Variants in ASIC2 observed in about 807,000 individuals in gnomAD.
ASIC2 encodes the protein acid-sensing ion channel 2.
ASIC2 carries 25 observed loss-of-function variants against 57.3 expected under a neutral mutation model. The ratio of observed to expected loss-of-function variants is 0.44; its 90% CI spans 0.32 to 0.61. The LOEUF (loss-of-function observed/expected upper bound fraction) is 0.61, where lower values mean the gene tolerates loss of function less well. ASIC2 is among the 20% of genes least tolerant of loss of function. The pLI is 0.06. For synonymous variants in ASIC2, 319 were observed against 307.5 expected (o/e 1.04, Z -0.39); for missense variants, 641 against 738.1 (o/e 0.87, Z 1.52).
chr17:33,777,061 A>G (rs59235786), intron 1 of ASIC2, among the ~76,000 whole-genome samples: 11,775 of 151,964 alleles, frequency 0.077, 511 homozygotes, highest in East Asian at 0.22. Flanking sequence ...CAGCCCATGT[A>G]AGCTGGCACC....
chr17:34,133,313 G>C (rs1435118503), intron 1 of ASIC2, among the ~76,000 whole-genome samples: 1 of 151,944 alleles, frequency 6.6e-6, no homozygotes, highest in Non-Finnish European at 1.5e-5. Context: ...AGTGTCCCTG[G>C]GTGGGTGGGG....
intron 1 of ASIC2, among the ~76,000 whole-genome samples, chr17:33,662,367 T>C (rs1907296089): frequency 6.6e-6 from 1 of 152,092 alleles, no homozygotes; most frequent in South Asian, 2.1e-4. Flanking sequence ...ACGCTTGTAA[T>C]TTCAGCACTT....
At chr17:34,085,895 C>G (rs1910095877) in intron 1 of ASIC2, among the ~76,000 whole-genome samples, 2 of 151,510 alleles carry the variant, frequency 1.3e-5, no homozygotes, top group Admixed American at 1.3e-4. Context: ...TCCCCTTTAT[C>G]ATTTTTTATT....
intron 1 of ASIC2, among the ~76,000 whole-genome samples, chr17:33,520,619 G>A (rs1368480748): frequency 6.6e-6 from 1 of 152,226 alleles, no homozygotes; most frequent in African/African-American, 2.4e-5. Context: ...CCACGAGAGG[G>A]CGGCAGTGAG....
intron 1 of ASIC2, among the ~76,000 whole-genome samples, chr17:33,428,208 G>T (rs116745488): frequency 1.3e-5 from 2 of 152,094 alleles, no homozygotes; most frequent in Non-Finnish European, 2.9e-5. Context: ...GGAGTAATTT[G>T]CTATATAGTA....
At chr17:33,120,174 G>A (rs9914604) in intron 1 of ASIC2, among the ~76,000 whole-genome samples, 7 of 152,142 alleles carry the variant, frequency 4.6e-5, no homozygotes, top group African/African-American at 9.7e-5. Context: ...ATATGGTAAC[G>A]TGACCCCCTT....
chr17:33,267,233 A>AC (rs77895388), intron 1 of ASIC2, among the ~76,000 whole-genome samples: 267 of 150,718 alleles, frequency 1.8e-3, no homozygotes, highest in Middle Eastern at 6.8e-3. Context: ...TGCACCCCTT[A>AC]CCCCCCCCAG....
At chr17:33,698,191 G>T (rs1259774065) in intron 1 of ASIC2, among the ~76,000 whole-genome samples, 1 of 152,124 alleles carries the variant, frequency 6.6e-6, no homozygotes, top group Admixed American at 6.5e-5. Flanking sequence ...TTATATAGGT[G>T]GTTTTCATTA....
intron 1 of ASIC2, among the ~76,000 whole-genome samples, chr17:33,773,930 G>A (rs921834086): frequency 3.9e-5 from 6 of 152,108 alleles, no homozygotes; most frequent in South Asian, 2.1e-4. Context: ...GCCTCCCAAA[G>A]TGTTGGGATG....
intron 1 of ASIC2, among the ~76,000 whole-genome samples, chr17:34,042,461 C>T (rs1050695995): frequency 5.3e-5 from 8 of 151,512 alleles, no homozygotes; most frequent in Admixed American, 1.3e-4. Context: ...AAACAGCACA[C>T]GTTGTATGAT....
intron 1 of ASIC2, among the ~76,000 whole-genome samples, chr17:33,736,532 G>GCT (rs1178731202): frequency 6.6e-6 from 1 of 152,112 alleles, no homozygotes; most frequent in Admixed American, 6.5e-5. Flanking sequence ...TTCCTGTGAG[G>GCT]CAGAAGATTG....
chr17:33,571,823 C>A (rs1316532068), intron 1 of ASIC2, among the ~76,000 whole-genome samples: 1 of 152,196 alleles, frequency 6.6e-6, no homozygotes. Flanking sequence ...GCTGGGTGCA[C>A]ATTTTTTAAA....
At chr17:33,023,749 A>G in intron 6 of ASIC2, 112 bp downstream of exon 6, 1 of 1,426,874 alleles carries the variant, frequency 7.0e-7, no homozygotes, top group South Asian at 1.3e-5. Context: ...TGTTCAACTA[A>G]TGTTTGCTAA....
chr17:33,315,851 C>T (rs1344141912), intron 1 of ASIC2, among the ~76,000 whole-genome samples: 1 of 152,194 alleles, frequency 6.6e-6, no homozygotes, highest in Non-Finnish European at 1.5e-5. Flanking sequence ...GGAGTACTGG[C>T]TTTGACATCA....
chr17:33,501,871 T>TG lies in ASIC2; in HGVS notation c.556-389805dup, dbSNP rs549176774. On this transcript the variant is annotated intron_variant, in intron 1 of 9. Coordinates refer to the ASIC2 transcript ENST00000359872. ...GTATAGTTGTGGCATTGTGGAGGGCTGGGGTAAGGGGCCAGGTAGGGCAGG... is the reference window on the plus strand; with the variant it reads ...GTATAGTTGTGGCATTGTGGAGGGCTGGGGGTAAGGGGCCAGGTAGGGCAGG... Among the ~76,000 whole-genome samples the TG allele has an allele frequency of 1.2e-4, 19 of 152,236 alleles. No homozygotes were observed. The South Asian group carries it at 3.1e-3, about 25-fold the overall frequency.
intron 1 of ASIC2, among the ~76,000 whole-genome samples, chr17:33,694,496 T>A (rs955771657): frequency 2.6e-4 from 39 of 152,196 alleles, no homozygotes; most frequent in African/African-American, 9.2e-4. Flanking sequence ...TCATGTTGTT[T>A]CCACTACCTG....
At chr17:33,780,433 A>G (rs1050375424) in intron 1 of ASIC2, among the ~76,000 whole-genome samples, 35 of 152,194 alleles carry the variant, frequency 2.3e-4, no homozygotes, top group Admixed American at 1.2e-3. Context: ...AGCAAGAAGT[A>G]GAAAAGCCCA....
At chr17:33,386,382 A>G (rs147403327) in intron 1 of ASIC2, among the ~76,000 whole-genome samples, 143 of 152,292 alleles carry the variant, frequency 9.4e-4, no homozygotes, top group Non-Finnish European at 1.7e-3. Context: ...ACCACCCCTG[A>G]AGCTTTCCAA....
rs1370101081 is a variant in ASIC2, at chr17:34,156,416, G to A, written c.117C>T (p.Thr39=). ...CCACTGCCCACAGCACACGCCGGAT[G>A]GTCAGCGGCCCATACACGAAGATGT... Residue 39 remains threonine, a synonymous_variant, in exon 1 of 10, where the codon ACC becomes ACT. Transcript: ENST00000359872. This position sits in a 1 kb window ranked among gnomAD's most constrained non-coding sequence, Gnocchi z 4.4. The A allele has an allele frequency of 6.2e-7, 1 of 1,614,060 alleles. No homozygotes were observed. The highest frequency in any genetic ancestry group is 2.2e-5 in the East Asian group (1 of 44,854).
Sources: gnomAD v4.1 joint callset for allele counts (sites outside exome capture counted in the v4.1 genomes callset) on GRCh38, gnomAD v4.1.1 for gene constraint, Gnocchi (gnomAD v3.1) non-coding constraint, MANE v1.5 for transcripts, NCBI Gene and HGNC (gene_info 2026-07-23, HGNC 2026-07-21) for gene names.